ABCA13: variants seen among roughly 807,000 people sequenced by gnomAD.
The protein encoded by ABCA13 is ATP binding cassette subfamily A member 13.
A neutral mutation model predicts 478.7 loss-of-function variants in ABCA13; 476 were observed. The ratio of observed to expected loss-of-function variants is 0.99; its 90% CI spans 0.92 to 1.07. The LOEUF is 1.07. Among genes scored for constraint, ABCA13 ranks in the 50% least tolerant of loss-of-function variants. The probability of loss-of-function intolerance (pLI) is 0.00; values close to 1 mark genes in which losing one functional copy is unlikely to be tolerated. For synonymous variants in ABCA13, 2,252 were observed against 2,158.9 expected (o/e 1.04, Z -1.20); for missense variants, 6,060 against 5,910.6 (o/e 1.03, Z -0.83).
chr7:48,239,772 T>G (rs1790534904), intron 9 of ABCA13, among the ~76,000 whole-genome samples: 1 of 152,250 alleles, frequency 6.6e-6, no homozygotes, highest in Non-Finnish European at 1.5e-5. Flanking sequence ...TCTAGCACTT[T>G]AAGCTCTGAA....
At chr7:48,440,658 T>C (rs1823460979) in intron 42 of ABCA13, among the ~76,000 whole-genome samples, 1 of 151,956 alleles carries the variant, frequency 6.6e-6, no homozygotes, top group Non-Finnish European at 1.5e-5. Flanking sequence ...CATAAACATT[T>C]TGTTATCGTG....
intron 1 of ABCA13, among the ~76,000 whole-genome samples, chr7:48,178,701 T>C (rs1331432114): frequency 6.9e-6 from 1 of 144,004 alleles, no homozygotes; most frequent in African/African-American, 2.6e-5. Flanking sequence ...TAAAATAAAA[T>C]AAAATAAAAT....
chr7:48,562,135 C>A (rs939301463), intron 55 of ABCA13, among the ~76,000 whole-genome samples: 7 of 151,564 alleles, frequency 4.6e-5, no homozygotes, highest in African/African-American at 1.7e-4. Context: ...AGTTTGCCTG[C>A]CTTTTTTTTC....
chr7:48,186,589 A>T (rs987448390), intron 1 of ABCA13, among the ~76,000 whole-genome samples: 10 of 152,096 alleles, frequency 6.6e-5, no homozygotes, highest in African/African-American at 1.9e-4. Flanking sequence ...TTCTAAAAAA[A>T]ATTTTAGCCA....
chr7:48,582,751 C>T (rs1179411118), intron 56 of ABCA13, among the ~76,000 whole-genome samples: 1 of 152,152 alleles, frequency 6.6e-6, no homozygotes, highest in African/African-American at 2.4e-5. Flanking sequence ...CTTCCTCAAC[C>T]TTTCAAAAGT....
chr7:48,477,125 G>A (rs1828186834), intron 45 of ABCA13, among the ~76,000 whole-genome samples: 1 of 152,220 alleles, frequency 6.6e-6, no homozygotes, highest in Admixed American at 6.5e-5. Flanking sequence ...ATTTTGGTGG[G>A]GGGGCGGTCA....
intron 58 of ABCA13, among the ~76,000 whole-genome samples, chr7:48,607,359 C>T (rs1285584707): frequency 1.3e-5 from 2 of 152,186 alleles, no homozygotes; most frequent in African/African-American, 4.8e-5. Flanking sequence ...TCAGCTCACC[C>T]TCCATGGGCT....
chr7:48,292,400 G>A (rs1279682749), intron 20 of ABCA13, among the ~76,000 whole-genome samples: 1 of 152,114 alleles, frequency 6.6e-6, no homozygotes, highest in African/African-American at 2.4e-5. Context: ...ATATGAGCCA[G>A]CTCTCCCTTC....
intron 1 of ABCA13, among the ~76,000 whole-genome samples, chr7:48,179,458 C>T (rs1054978612): frequency 6.6e-6 from 1 of 152,184 alleles, no homozygotes; most frequent in Admixed American, 6.5e-5. Flanking sequence ...CCAGAGAGTT[C>T]CCCTGAGGGG....
At chr7:48,431,252 C>T (rs1822101872) in intron 42 of ABCA13, among the ~76,000 whole-genome samples, 1 of 151,904 alleles carries the variant, frequency 6.6e-6, no homozygotes, top group South Asian at 2.1e-4. Context: ...AGGCTGGTCT[C>T]AAACTTCTGA....
intron 42 of ABCA13, among the ~76,000 whole-genome samples, chr7:48,428,972 A>G (rs1821785071): frequency 6.6e-6 from 1 of 152,148 alleles, no homozygotes; most frequent in African/African-American, 2.4e-5. Context: ...GCCATAGGCA[A>G]CCCCTAATGT....
chr7:48,566,725 T>C (rs1787107214), intron 55 of ABCA13, among the ~76,000 whole-genome samples: 1 of 152,168 alleles, frequency 6.6e-6, no homozygotes, highest in Admixed American at 6.6e-5. Flanking sequence ...TCACTTAAAC[T>C]GAGTTGTCAG....
chr7:48,447,065 G>A (rs1315234336), intron 42 of ABCA13, among the ~76,000 whole-genome samples: 1 of 152,166 alleles, frequency 6.6e-6, no homozygotes, highest in Non-Finnish European at 1.5e-5. Context: ...AACCTCCTGA[G>A]GTTAATGATA....
intron 35 of ABCA13, among the ~76,000 whole-genome samples, chr7:48,382,611 A>G (rs1379707203): frequency 6.6e-6 from 1 of 152,182 alleles, no homozygotes; most frequent in Non-Finnish European, 1.5e-5. Flanking sequence ...TTAATTGAAC[A>G]TCCTGTGTTT....
chr7:48,256,983 T>C (rs1037906500), intron 15 of ABCA13, among the ~76,000 whole-genome samples: 1 of 152,202 alleles, frequency 6.6e-6, no homozygotes, highest in Non-Finnish European at 1.5e-5. Context: ...TGTGATTTCT[T>C]TGAGCAGTGT....
chr7:48,466,093 A>C (rs558011052), intron 43 of ABCA13, among the ~76,000 whole-genome samples: 1 of 152,352 alleles, frequency 6.6e-6, no homozygotes, highest in South Asian at 2.1e-4. Context: ...GAAAAGTAAG[A>C]AATCTATACT....
chr7:48,239,445 C>G (rs777532982), intron 9 of ABCA13, 40 bp downstream of exon 9: 1 of 1,540,918 alleles, frequency 6.5e-7, no homozygotes, highest in South Asian at 1.3e-5. Flanking sequence ...AAAGGTGTGC[C>G]AGTTTGAGTG....
At chr7:48,365,171 A>G (rs1165267831) in intron 31 of ABCA13, among the ~76,000 whole-genome samples, 1 of 152,120 alleles carries the variant, frequency 6.6e-6, no homozygotes, top group East Asian at 1.9e-4. Flanking sequence ...CATGATGTTC[A>G]GCATATATTT....
chr7:48,410,322 G>T (rs187800396), intron 39 of ABCA13, among the ~76,000 whole-genome samples, 198 bp from the exon 40 acceptor site: 4 of 152,150 alleles, frequency 2.6e-5, no homozygotes, highest in Non-Finnish European at 5.9e-5. Flanking sequence ...TGGGAGATCC[G>T]TGGAAACTAC....
Sources: gnomAD v4.1 joint callset for allele counts (sites outside exome capture counted in the v4.1 genomes callset) on GRCh38, gnomAD v4.1.1 for gene constraint, MANE v1.5 for transcripts, NCBI Gene and HGNC (gene_info 2026-07-23, HGNC 2026-07-21) for gene names.